The following POF1B variants were observed in gnomAD, a reference collection of about 807,000 sequenced individuals.
POF1B encodes the protein POF1B actin binding protein, also known as protein POF1B.
Under a neutral mutation model 55.3 loss-of-function variants are expected in POF1B, and 53 were observed. That is an observed-to-expected ratio of 0.96 (90% confidence interval 0.77 to 1.20). The LOEUF (loss-of-function observed/expected upper bound fraction) is 1.20, where lower values mean the gene tolerates loss of function less well. Ranked by LOEUF, POF1B falls within the 50% of genes most tolerant of loss-of-function variation. The probability of loss-of-function intolerance (pLI) is 0.00; values close to 1 mark genes in which losing one functional copy is unlikely to be tolerated. For missense variants in POF1B, 478 were observed against 420.5 expected, an observed-to-expected ratio of 1.14 and a Z score of -1.20; for synonymous variants, 188 against 148.3, an observed-to-expected ratio of 1.27 and a Z score of -1.95.
intron 15 of POF1B, among the ~76,000 whole-genome samples, chrX:85,302,363 G>T (rs1039768630): frequency 1.8e-5 from 2 of 111,279 alleles, no homozygotes; most frequent in South Asian, 7.5e-4. Context: ...AGTTATTAGG[G>T]AATACAAATC....
At chrX:85,324,481 G>T (rs1398676271) in intron 7 of POF1B, among the ~76,000 whole-genome samples, 2 of 110,825 alleles carry the variant, frequency 1.8e-5, no homozygotes, top group Non-Finnish European at 3.8e-5. Flanking sequence ...TGTCTTATTT[G>T]ATTTTTGTTA....
At chrX:85,352,785 G>T (rs1322871421) in intron 4 of POF1B, among the ~76,000 whole-genome samples, 1 of 111,092 alleles carries the variant, frequency 9.0e-6, no homozygotes, top group Non-Finnish European at 1.9e-5. Context: ...AAAAATATAA[G>T]TCTGACTTAT....
chrX:85,367,902 A>G (rs1933755994), intron 2 of POF1B, 136 bp from the exon 3 acceptor site: 3 of 420,200 alleles, frequency 7.1e-6, no homozygotes, highest in African/African-American at 2.7e-5. Context: ...GATAATATCC[A>G]TCTTTCCAAA....
At chrX:85,348,642 C>T (rs1235162080) in intron 5 of POF1B, among the ~76,000 whole-genome samples, 1 of 111,207 alleles carries the variant, frequency 9.0e-6, no homozygotes, top group African/African-American at 3.3e-5. Context: ...CTGCATGGTT[C>T]CTTTTACACT....
chrX:85,330,743 A>G (rs1932963232), intron 7 of POF1B, among the ~76,000 whole-genome samples: 1 of 111,579 alleles, frequency 9.0e-6, no homozygotes, highest in African/African-American at 3.3e-5. Context: ...GGTGCAGCAC[A>G]CCAACATGGC....
chrX:85,342,392 GA>G (rs1416088640), intron 6 of POF1B, among the ~76,000 whole-genome samples: 3 of 111,442 alleles, frequency 2.7e-5, no homozygotes, highest in Non-Finnish European at 5.7e-5. Flanking sequence ...TTGGTGATTT[GA>G]AACATTTGCG....
intron 7 of POF1B, among the ~76,000 whole-genome samples, chrX:85,322,707 C>G (rs192449672): frequency 0.024 from 2,693 of 111,229 alleles, 93 homozygotes; most frequent in African/African-American, 0.083. Context: ...TGACAAAGGG[C>G]TAATATCCAG....
intron 7 of POF1B, among the ~76,000 whole-genome samples, chrX:85,322,259 G>C (rs903863852): frequency 1.5e-4 from 17 of 110,741 alleles, no homozygotes; most frequent in Non-Finnish European, 2.6e-4. Flanking sequence ...TAGATCAATG[G>C]AACAGAACAG....
At chrX:85,357,059 T>G (rs551686327) in intron 4 of POF1B, among the ~76,000 whole-genome samples, 1 of 111,421 alleles carries the variant, frequency 9.0e-6, no homozygotes, top group Middle Eastern at 4.6e-3. Context: ...ATTTTCATTT[T>G]CCTCAACTCC....
chrX:85,348,800 C>G (rs1933323790), intron 5 of POF1B, among the ~76,000 whole-genome samples: 1 of 111,656 alleles, frequency 9.0e-6, no homozygotes, highest in African/African-American at 3.2e-5. Flanking sequence ...TCCAGCTGCA[C>G]AGCAACAATG....
At chrX:85,350,491 A>C (rs1190328442) in intron 5 of POF1B, among the ~76,000 whole-genome samples, 3 of 110,781 alleles carry the variant, frequency 2.7e-5, no homozygotes, top group Non-Finnish European at 5.7e-5. Context: ...TGCAATAAAC[A>C]TACGTGTGCA....
chrX:85,361,842 A>G (rs1933626496), intron 3 of POF1B, among the ~76,000 whole-genome samples: 1 of 111,189 alleles, frequency 9.0e-6, no homozygotes, highest in African/African-American at 3.3e-5. Context: ...CCTATCCATG[A>G]GCATGGAATG....
At chrX:85,337,040 T>G (rs893537776) in intron 6 of POF1B, among the ~76,000 whole-genome samples, 8 of 111,906 alleles carry the variant, frequency 7.1e-5, no homozygotes, top group Non-Finnish European at 7.5e-5. Flanking sequence ...CAGCACAGTT[T>G]GTGGAAGAGA....
intron 7 of POF1B, among the ~76,000 whole-genome samples, chrX:85,329,941 C>T (rs1201408356): frequency 1.8e-5 from 2 of 108,847 alleles, no homozygotes; most frequent in Non-Finnish European, 3.8e-5. Context: ...TGGTGTCATC[C>T]CATTTACATT....
chrX:85,349,362 T>A (rs1933334023), intron 5 of POF1B, among the ~76,000 whole-genome samples: 1 of 111,039 alleles, frequency 9.0e-6, no homozygotes, highest in Admixed American at 9.6e-5. Context: ...ATGAAAAAAA[T>A]GATTTTGTCA....
At chrX:85,336,675 T>C (rs755037439) in intron 6 of POF1B, among the ~76,000 whole-genome samples, 1 of 111,418 alleles carries the variant, frequency 9.0e-6, no homozygotes, top group Non-Finnish European at 1.9e-5. Flanking sequence ...TTTTTTCCTA[T>C]TGTTTGAGCT....
chrX:85,334,501 A>G (rs1933032664), intron 6 of POF1B, among the ~76,000 whole-genome samples: 1 of 111,599 alleles, frequency 9.0e-6, no homozygotes, highest in South Asian at 3.7e-4. Context: ...TCAATGAAGT[A>G]CGTTTAATCG....
chrX:85,348,760 A>G (rs1933322966), intron 5 of POF1B, among the ~76,000 whole-genome samples: 1 of 111,763 alleles, frequency 8.9e-6, no homozygotes, highest in African/African-American at 3.2e-5. Flanking sequence ...TAGCAGCAGT[A>G]TTCTCTTAAA....
intron 15 of POF1B, among the ~76,000 whole-genome samples, chrX:85,292,455 G>A (rs1039831367): frequency 9.0e-6 from 1 of 111,604 alleles, no homozygotes; most frequent in South Asian, 3.7e-4. Context: ...CTCATAGAAC[G>A]AGCTAGGGAG....
Sources: gnomAD v4.1 joint callset for allele counts (sites outside exome capture counted in the v4.1 genomes callset) on GRCh38, gnomAD v4.1.1 for gene constraint, MANE v1.5 for transcripts, NCBI Gene and HGNC (gene_info 2026-07-23, HGNC 2026-07-21) for gene names.